Variants in PKHD1 observed in about 807,000 individuals in gnomAD.
The protein encoded by PKHD1 is fibrocystin.
Under a neutral mutation model 412.0 loss-of-function variants are expected in PKHD1, and 291 were observed. That is an observed-to-expected ratio of 0.71 (90% CI 0.64 to 0.78). The LOEUF is 0.78. PKHD1 is among the 30% of genes least tolerant of loss of function. The pLI is 0.00. For missense variants in PKHD1, 4,825 were observed against 4,950.7 expected (o/e 0.97, Z 0.76); for synonymous variants, 1,777 against 1,821.5 (o/e 0.98, Z 0.62).
intron 53 of PKHD1, among the ~76,000 whole-genome samples, chr6:51,778,628 G>T (rs1791458823): frequency 6.6e-6 from 1 of 152,046 alleles, no homozygotes; most frequent in Non-Finnish European, 1.5e-5. Context: ...AGAGATGGTA[G>T]AAAATGAGTT....
chr6:51,950,536 C>T (rs1231518517), intron 36 of PKHD1, among the ~76,000 whole-genome samples: 4 of 152,064 alleles, frequency 2.6e-5, no homozygotes, highest in Admixed American at 2.0e-4. Context: ...GCATCAGAAT[C>T]ACTTGGATGT....
chr6:51,813,490 T>G (rs966023548), intron 52 of PKHD1, among the ~76,000 whole-genome samples: 1 of 152,196 alleles, frequency 6.6e-6, no homozygotes. Context: ...TATATTTATA[T>G]AACTTATTAC....
intron 50 of PKHD1, among the ~76,000 whole-genome samples, chr6:51,840,599 C>T (rs1770008531): frequency 6.6e-6 from 1 of 152,168 alleles, no homozygotes; most frequent in South Asian, 2.1e-4. Flanking sequence ...CACAGACCTA[C>T]ACAGCCTGAA....
At chr6:51,863,947 G>T (rs1398386581) in intron 48 of PKHD1, among the ~76,000 whole-genome samples, 3 of 152,064 alleles carry the variant, frequency 2.0e-5, no homozygotes, top group South Asian at 4.2e-4. Flanking sequence ...ATCCCTATTT[G>T]CCCTCCTTGC....
intron 60 of PKHD1, among the ~76,000 whole-genome samples, chr6:51,719,137 T>C (rs1419709017): frequency 2.0e-5 from 3 of 152,174 alleles, no homozygotes; most frequent in Non-Finnish European, 4.4e-5. Flanking sequence ...GAATATCAAC[T>C]ATTAAAGCTT....
At position 52,026,602 on chromosome 6, in the gene PKHD1, A is replaced by G. The variant is rs184792044; in HGVS notation, c.3629-421T>C. ...CTGTATACATTCAACTTATATGCTA[A>G]TGAAAAATCAAATTCATTGAAGTCT... On this transcript the variant is annotated intron_variant, in intron 31 of 66. Coordinates refer to ENST00000371117, the MANE Select transcript of PKHD1 (RefSeq NM_138694.4). Among the ~76,000 whole-genome samples, 276 of 152,338 alleles carry G rather than the reference A, an allele frequency of 1.8e-3. 4 individuals are homozygous for G. Among genetic ancestry groups the G allele is most frequent in the African/African-American group, 6.4e-3 (267 of 41,574 alleles).
At chr6:51,707,547 A>G (rs1308790083) in intron 60 of PKHD1, among the ~76,000 whole-genome samples, 1 of 152,178 alleles carries the variant, frequency 6.6e-6, no homozygotes, top group East Asian at 1.9e-4. Flanking sequence ...CTGGATCTTA[A>G]CAGATCCTTT....
chr6:52,047,267 T>C (rs1052144247), intron 23 of PKHD1, among the ~76,000 whole-genome samples: 3 of 152,148 alleles, frequency 2.0e-5, no homozygotes, highest in African/African-American at 7.2e-5. Context: ...TTGATGTTTT[T>C]TCCCCCATTT....
At position 51,662,336 on chromosome 6, in the gene PKHD1, CCA is replaced by C. The variant is rs146119481; in HGVS notation, c.10157-2369_10157-2368del. Among the ~76,000 whole-genome samples, 6 of 150,870 alleles carry C rather than the reference CCA, an allele frequency of 4.0e-5. No individual in the cohort carries two copies. In the South Asian group the frequency reaches 6.3e-4, roughly 16 times the overall value. The stretch of plus-strand genomic sequence containing the variant: ...GGGGGTAGATCTTAACATATTCTCA[CCA>C]CACACACACGCACACACACATACAA... On this transcript the variant is annotated intron_variant, in intron 60 of 66. Transcript: ENST00000371117.
chr6:51,758,472 C>G (rs1419004094), intron 55 of PKHD1, among the ~76,000 whole-genome samples: 2 of 152,160 alleles, frequency 1.3e-5, no homozygotes, highest in Non-Finnish European at 2.9e-5. Flanking sequence ...ATCATACGAA[C>G]TAGCTTAACG....
chr6:51,688,151 T>C (rs1777678313), intron 60 of PKHD1, among the ~76,000 whole-genome samples: 2 of 152,232 alleles, frequency 1.3e-5, no homozygotes, highest in Non-Finnish European at 1.5e-5. Flanking sequence ...GATCTGTTTA[T>C]TAATTCGTAA....
intron 65 of PKHD1, among the ~76,000 whole-genome samples, chr6:51,630,963 A>G (rs2784211): frequency 0.043 from 6,508 of 152,232 alleles, 235 homozygotes; most frequent in African/African-American, 0.093. Flanking sequence ...AAAGAGGAAA[A>G]GGAAGACACT....
intron 60 of PKHD1, among the ~76,000 whole-genome samples, chr6:51,707,222 G>A (rs2150738493): frequency 6.6e-6 from 1 of 152,178 alleles, no homozygotes; most frequent in Middle Eastern, 3.4e-3. Context: ...ACTAAAAATG[G>A]TATCTGAAAA....
At chr6:51,779,851 A>G (rs1323372501) in intron 53 of PKHD1, among the ~76,000 whole-genome samples, 1 of 152,134 alleles carries the variant, frequency 6.6e-6, no homozygotes, top group East Asian at 1.9e-4. Flanking sequence ...TATTTGACAT[A>G]ACAGGCATAG....
At chr6:51,766,033 C>T (rs528157379) in intron 55 of PKHD1, among the ~76,000 whole-genome samples, 4 of 152,146 alleles carry the variant, frequency 2.6e-5, no homozygotes, top group Admixed American at 1.3e-4. Flanking sequence ...TCCTACATAA[C>T]CCGCCCCTTC....
chr6:52,010,132 T>G (rs1244002585), intron 35 of PKHD1, among the ~76,000 whole-genome samples, 177 bp downstream of exon 35: 2 of 152,182 alleles, frequency 1.3e-5, no homozygotes, highest in Non-Finnish European at 2.9e-5. Context: ...AAATATATGA[T>G]TAACCAGAGT....
intron 3 of PKHD1, 83 bp from the exon 4 acceptor site, chr6:52,082,625 G>GTAA: frequency 7.3e-7 from 1 of 1,364,698 alleles, no homozygotes; most frequent in Non-Finnish European, 1.0e-6. Context: ...GATCCTGGGG[G>GTAA]TAATGTAAGA....
chr6:51,816,340 G>C (rs762273504), intron 52 of PKHD1, among the ~76,000 whole-genome samples: 32 of 152,192 alleles, frequency 2.1e-4, no homozygotes, highest in Admixed American at 4.6e-4. Context: ...ACACCCCCAT[G>C]CCTCTGTGCT....
At chr6:51,958,908 AT>A (rs1380727475) in intron 36 of PKHD1, among the ~76,000 whole-genome samples, 13 of 152,014 alleles carry the variant, frequency 8.6e-5, no homozygotes, top group African/African-American at 3.1e-4. Flanking sequence ...AAGGGCACTA[AT>A]TAACTGATTT....
Sources: gnomAD v4.1 joint callset for allele counts (sites outside exome capture counted in the v4.1 genomes callset) on GRCh38, gnomAD v4.1.1 for gene constraint, MANE v1.5 for transcripts, NCBI Gene and HGNC (gene_info 2026-07-23, HGNC 2026-07-21) for gene names.